The following BPIFA2 variants were observed in gnomAD, a reference collection of about 807,000 sequenced individuals.
BPIFA2 encodes BPI fold containing family A member 2.
Under a neutral mutation model 25.7 loss-of-function variants are expected in BPIFA2, and 20 were observed. The ratio of observed to expected loss-of-function variants is 0.78; its 90% confidence interval spans 0.55 to 1.13. The LOEUF (loss-of-function observed/expected upper bound fraction) is 1.13. Among genes scored for constraint, BPIFA2 ranks in the 50% most tolerant of loss-of-function variants. The pLI is 0.00. For missense variants in BPIFA2, 300 were observed against 298.1 expected, an observed-to-expected ratio of 1.01 and a Z score of -0.05; for synonymous variants, 126 against 124.3, an observed-to-expected ratio of 1.01 and a Z score of -0.09.
intron 1 of BPIFA2, among the ~76,000 whole-genome samples, chr20:33,162,993 A>T (rs1391241056): frequency 1.3e-5 from 2 of 152,190 alleles, no homozygotes; most frequent in Non-Finnish European, 2.9e-5. Flanking sequence ...AAAATTTGCA[A>T]GAACTGTACC....
chr20:33,169,954 T>C (rs1169277044), intron 2 of BPIFA2, among the ~76,000 whole-genome samples: 2 of 152,240 alleles, frequency 1.3e-5, no homozygotes, highest in Non-Finnish European at 2.9e-5. Flanking sequence ...CCTATTAAAA[T>C]AACTTGGCTT....
intron 2 of BPIFA2, among the ~76,000 whole-genome samples, chr20:33,171,141 T>C (rs750170507): frequency 2.0e-5 from 3 of 152,224 alleles, no homozygotes; most frequent in African/African-American, 4.8e-5. Context: ...TGTATCCTTG[T>C]AGTATAGTTT....
intron 3 of BPIFA2, 85 bp from the exon 4 acceptor site, chr20:33,173,994 C>A: frequency 9.1e-7 from 1 of 1,102,768 alleles, no homozygotes. Context: ...GAGACCCAAA[C>A]GCTCAGCTCG....
In BPIFA2 at chr20:33,179,511, T is replaced by G; in HGVS notation, c.646-93T>G. On this transcript the variant is annotated intron_variant, in intron 6 of 8. Coordinates refer to ENST00000354932, the MANE Select transcript of BPIFA2 (RefSeq NM_080574.4). ...TAAGATCCCTAGAAATGAGCTCATC[T>G]GTGGGTGGCAAGCAATTTGTTCTCA... 3.0e-6 allele frequency: 3 copies of G among 998,718 alleles called. No homozygotes were observed. The South Asian group carries it at 3.8e-5, about 13-fold the overall frequency. The allele number at this position is 998,718 out of a possible 1,614,324, so 61.9% of individuals were successfully genotyped here. A position where few individuals can be genotyped will look rare whatever the true frequency, so the allele number is the denominator to read the frequency against.
chr20:33,175,701 C>G, intron 5 of BPIFA2, 142 bp downstream of exon 5: 1 of 855,810 alleles, frequency 1.2e-6, no homozygotes, highest in South Asian at 2.0e-5. Flanking sequence ...GTTTACACAT[C>G]AGCTCTGCCA....
In BPIFA2 at chr20:33,179,768, C is replaced by T. The variant is rs11698494; in HGVS notation, c.709+101C>T. 4.4e-3 allele frequency: 5,364 copies of T among 1,224,742 alleles called. 12 individuals carry two copies. Among genetic ancestry groups the T allele is most frequent in the Non-Finnish European group, 5.5e-3 (4,564 of 830,674 alleles). The allele number at this position is 1,224,742 out of a possible 1,614,324, so 75.9% of individuals were successfully genotyped here. ...AGGGGACCCTGGAGAAGCAGAAGGA[C>T]CCACTGTCCTAAGCAAATTGGGAGC... On this transcript the variant is annotated intron_variant, in intron 7 of 8. Coordinates refer to ENST00000354932, the MANE Select transcript of BPIFA2 (RefSeq NM_080574.4).
chr20:33,166,139 C>T (rs1395107905), upstream of BPIFA2, among the ~76,000 whole-genome samples: 1 of 152,140 alleles, frequency 6.6e-6, no homozygotes, highest in African/African-American at 2.4e-5. Flanking sequence ...GCTTCAGCCT[C>T]CAGAGTAGCT....
intron 1 of BPIFA2, among the ~76,000 whole-genome samples, chr20:33,168,926 T>G (rs1043854518): frequency 6.6e-6 from 1 of 152,236 alleles, no homozygotes; most frequent in African/African-American, 2.4e-5. Context: ...AAGTCTGACT[T>G]TTCAAATCCC....
At chr20:33,177,993 C>A (rs1984140167) in intron 5 of BPIFA2, among the ~76,000 whole-genome samples, 154 bp from the exon 6 acceptor site, 1 of 152,146 alleles carries the variant, frequency 6.6e-6, no homozygotes, top group Non-Finnish European at 1.5e-5. Flanking sequence ...AAGTGATGAT[C>A]CATGTGGATG....
chr20:33,175,127 A>G (rs1248676773), intron 4 of BPIFA2, among the ~76,000 whole-genome samples: 1 of 152,230 alleles, frequency 6.6e-6, no homozygotes, highest in Non-Finnish European at 1.5e-5. Flanking sequence ...AAGTACCTAC[A>G]CATAAATTGT....
chr20:33,171,512 A>G (rs545643233), intron 2 of BPIFA2, among the ~76,000 whole-genome samples: 1 of 152,334 alleles, frequency 6.6e-6, no homozygotes, highest in East Asian at 1.9e-4. Flanking sequence ...AATATCCGGA[A>G]TCTACAAGGA....
chr20:33,166,475 T>C (rs1412971775), upstream of BPIFA2, among the ~76,000 whole-genome samples: 1 of 152,214 alleles, frequency 6.6e-6, no homozygotes, highest in African/African-American at 2.4e-5. Flanking sequence ...GCCTACCCTA[T>C]GCTAAGCCTT....
chr20:33,171,054 G>A (rs7275137), intron 2 of BPIFA2, among the ~76,000 whole-genome samples: 2,329 of 152,166 alleles, frequency 0.015, 50 homozygotes, highest in African/African-American at 0.053. Flanking sequence ...GACATGTGGT[G>A]TTATTTCTGA....
chr20:33,175,675 A>G (rs1243690877), intron 5 of BPIFA2, 116 bp downstream of exon 5: 1 of 1,155,952 alleles, frequency 8.7e-7, no homozygotes, highest in Non-Finnish European at 1.2e-6. Flanking sequence ...CAGGCTCTGG[A>G]GTCATGTTGA....
chr20:33,180,405 C>G, intron 7 of BPIFA2, 115 bp from the exon 8 acceptor site: 2 of 1,134,990 alleles, frequency 1.8e-6, no homozygotes, highest in South Asian at 2.6e-5. Context: ...GAGCAACATC[C>G]CTGGGGTCCC....
chr20:33,168,599 G>C (rs1186239191), intron 1 of BPIFA2, among the ~76,000 whole-genome samples: 1 of 152,184 alleles, frequency 6.6e-6, no homozygotes, highest in African/African-American at 2.4e-5. Flanking sequence ...TACTGTACTA[G>C]GTGCAGGCTT....
At chr20:33,177,252 C>G (rs754593442) in intron 5 of BPIFA2, among the ~76,000 whole-genome samples, 1 of 151,626 alleles carries the variant, frequency 6.6e-6, no homozygotes, top group Admixed American at 6.6e-5. Flanking sequence ...CTACTCGGGA[C>G]GCTGAGGCAC....
chr20:33,162,173 A>G (rs1007330505), intron 1 of BPIFA2, among the ~76,000 whole-genome samples: 15 of 151,834 alleles, frequency 9.9e-5, no homozygotes, highest in African/African-American at 3.6e-4. Context: ...TAGAGACGGG[A>G]TTTCACCATG....
At chr20:33,180,341 G>A (rs1238666573) in intron 7 of BPIFA2, among the ~76,000 whole-genome samples, 179 bp from the exon 8 acceptor site, 2 of 152,184 alleles carry the variant, frequency 1.3e-5, no homozygotes, top group South Asian at 2.1e-4. Context: ...CTGTGGGGAA[G>A]GTACTGTCAT....
Sources: gnomAD v4.1 joint callset for allele counts (sites outside exome capture counted in the v4.1 genomes callset) on GRCh38, gnomAD v4.1.1 for gene constraint, MANE v1.5 for transcripts, NCBI Gene and HGNC (gene_info 2026-07-23, HGNC 2026-07-21) for gene names.